Variants in FBXL2 observed in about 807,000 individuals in gnomAD.
FBXL2 encodes the protein F-box/LRR-repeat protein 2.
FBXL2 carries 38 observed loss-of-function variants against 69.2 expected under a neutral mutation model. The ratio of observed to expected loss-of-function variants is 0.55; its 90% CI spans 0.42 to 0.72. The LOEUF (loss-of-function observed/expected upper bound fraction) is 0.72. Among genes scored for constraint, FBXL2 ranks in the 30% least tolerant of loss-of-function variants. The pLI, the probability that FBXL2 is intolerant of heterozygous loss-of-function variation, is 0.00. For missense variants in FBXL2, 354 were observed against 520.3 expected (o/e 0.68, Z 3.11); for synonymous variants, 192 against 201.3 (o/e 0.95, Z 0.39).
downstream of FBXL2, chr3:33,390,051 C>A: frequency 2.5e-6 from 1 of 406,038 alleles, no homozygotes; most frequent in Non-Finnish European, 4.4e-6. Flanking sequence ...ACTGTATTTA[C>A]TGGCCTCTGC....
In FBXL2 at chr3:33,277,535, C is replaced by T. The variant is rs1355737733; in HGVS notation, c.3+20C>T. The stretch of plus-strand genomic sequence containing the variant: ...GCCATGGTGAGTCTGGGACCCGCGT[C>T]TGCCTAGCTGCCCCGCCCTACCCCT... On this transcript the variant is annotated intron_variant, in intron 1 of 14. Transcript: ENST00000484457. 5 of 1,287,680 alleles carry T rather than the reference C, an allele frequency of 3.9e-6. No individual in the cohort carries two copies. In the East Asian group the frequency reaches 1.5e-4, roughly 40 times the overall value. The allele number at this position is 1,287,680 out of a possible 1,614,324, so 79.8% of individuals were successfully genotyped here. A position where few individuals can be genotyped will look rare whatever the true frequency, so the allele number is the denominator to read the frequency against.
downstream of FBXL2, among the ~76,000 whole-genome samples, chr3:33,407,537 C>T (rs1290074815): frequency 1.4e-5 from 2 of 141,906 alleles, no homozygotes; most frequent in Admixed American, 7.2e-5. Flanking sequence ...ATCTTTGATT[C>T]GAATTTATTT....
At chr3:33,404,656 G>A (rs1467637458), downstream of FBXL2, among the ~76,000 whole-genome samples, 3 of 151,816 alleles carry the variant, frequency 2.0e-5, no homozygotes, top group East Asian at 3.9e-4. Flanking sequence ...TTGAAAAAAA[G>A]GAAAGAAAAA....
At chr3:33,300,994 C>T (rs763522712) in intron 2 of FBXL2, among the ~76,000 whole-genome samples, 6 of 152,062 alleles carry the variant, frequency 3.9e-5, no homozygotes, top group Non-Finnish European at 5.9e-5. Context: ...TAAGCCACTG[C>T]GCCCGGCCTT....
chr3:33,332,319 T>C (rs1274532588), intron 2 of FBXL2, among the ~76,000 whole-genome samples: 6 of 152,166 alleles, frequency 3.9e-5, no homozygotes, highest in African/African-American at 9.6e-5. Flanking sequence ...AAAATGAAGA[T>C]GAAATAAAAA....
intron 2 of FBXL2, among the ~76,000 whole-genome samples, chr3:33,341,696 G>C (rs1010204947): frequency 6.6e-6 from 1 of 151,844 alleles, no homozygotes; most frequent in African/African-American, 2.4e-5. Flanking sequence ...CGATCATGGT[G>C]GTGGGTGCCT....
chr3:33,337,776 A>G (rs551237381), intron 2 of FBXL2, among the ~76,000 whole-genome samples: 1 of 152,344 alleles, frequency 6.6e-6, no homozygotes, highest in East Asian at 1.9e-4. Context: ...GTTTCAGGAT[A>G]CCAACTTAAT....
chr3:33,374,985 TA>T (rs2042544167), intron 9 of FBXL2, among the ~76,000 whole-genome samples: 1 of 152,200 alleles, frequency 6.6e-6, no homozygotes, highest in East Asian at 1.9e-4. Context: ...AAAAAATCTA[TA>T]TTTTGATGAC....
chr3:33,290,280 T>G (rs960421400), intron 1 of FBXL2, among the ~76,000 whole-genome samples: 1 of 152,196 alleles, frequency 6.6e-6, no homozygotes, highest in African/African-American at 2.4e-5. Flanking sequence ...CAACTATAGA[T>G]TAAAAGGATT....
intron 2 of FBXL2, among the ~76,000 whole-genome samples, chr3:33,329,455 A>G (rs2038981101): frequency 6.6e-6 from 1 of 151,798 alleles, no homozygotes; most frequent in East Asian, 1.9e-4. Context: ...TATCAAAGAG[A>G]TATTTACACT....
intron 9 of FBXL2, among the ~76,000 whole-genome samples, chr3:33,375,051 A>T (rs1039556250): frequency 2.0e-5 from 3 of 152,278 alleles, no homozygotes; most frequent in South Asian, 4.1e-4. Context: ...ATTATTTAAA[A>T]TTTTTACTTT....
intron 1 of FBXL2, among the ~76,000 whole-genome samples, chr3:33,290,952 G>A (rs1159803225): frequency 6.7e-6 from 1 of 149,862 alleles, no homozygotes; most frequent in Non-Finnish European, 1.5e-5. Flanking sequence ...TTTTTTTTGA[G>A]ACCCTCTCAC....
chr3:33,390,294 T>C (rs766533225), downstream of FBXL2: 2 of 1,598,966 alleles, frequency 1.3e-6, no homozygotes, highest in Non-Finnish European at 1.7e-6. Context: ...TAAGCGTGAC[T>C]ATTTGGTACT....
intron 2 of FBXL2, among the ~76,000 whole-genome samples, chr3:33,307,887 T>A (rs964696050): frequency 1.7e-4 from 26 of 152,218 alleles, no homozygotes; most frequent in Non-Finnish European, 2.2e-4. Context: ...TAGATTTTTT[T>A]AAAAAGTTAT....
intron 2 of FBXL2, among the ~76,000 whole-genome samples, chr3:33,349,444 G>C (rs2040678473): frequency 6.6e-6 from 1 of 152,086 alleles, no homozygotes; most frequent in African/African-American, 2.4e-5. Flanking sequence ...TGCATCCCTG[G>C]GATAACTCTC....
intron 1 of FBXL2, among the ~76,000 whole-genome samples, chr3:33,287,651 A>G (rs1251967399): frequency 6.6e-6 from 1 of 152,112 alleles, no homozygotes; most frequent in Non-Finnish European, 1.5e-5. Flanking sequence ...TGAGTTTGAC[A>G]TTATTCCCAT....
At position 33,317,541 on chromosome 3, in the gene FBXL2, A is replaced by G. The variant is rs908329219; in HGVS notation, c.65+19816A>G. On this transcript the variant is annotated intron_variant, in intron 2 of 14. Transcript: ENST00000484457. ...TAAAAAGGAAGAATGGAAGACACAC[A>G]TCATTGTTTTGTAGCAATGATGAGA... 8.8e-6 allele frequency: 4 copies of G among 456,486 alleles called. No individual in the cohort carries two copies. The Admixed American group carries it at 9.4e-5, about 11-fold the overall frequency. 28.3% of individuals were successfully genotyped at this position (456,486 alleles called of 1,614,324 possible).
chr3:33,318,294 T>A (rs1326626293), intron 2 of FBXL2, among the ~76,000 whole-genome samples: 2 of 152,192 alleles, frequency 1.3e-5, no homozygotes, highest in Non-Finnish European at 2.9e-5. Flanking sequence ...ATCTTATTTT[T>A]ACTATGTGGC....
chr3:33,422,492 A>G, the FBXL2 span, among the ~76,000 whole-genome samples: 70 of 152,206 alleles, frequency 4.6e-4, no homozygotes, highest in African/African-American at 1.6e-3. Flanking sequence ...CAAGGCAGGA[A>G]GATCGTTTGA....
Sources: gnomAD v4.1 joint callset for allele counts (sites outside exome capture counted in the v4.1 genomes callset) on GRCh38, gnomAD v4.1.1 for gene constraint, MANE v1.5 for transcripts, NCBI Gene and HGNC (gene_info 2026-07-23, HGNC 2026-07-21) for gene names.